The following PATJ variants were observed in gnomAD, a reference collection of about 807,000 sequenced individuals.
PATJ encodes the protein PATJ crumbs cell polarity complex component.
PATJ carries 190 observed loss-of-function variants against 224.9 expected under a neutral mutation model. The ratio of observed to expected loss-of-function variants is 0.84; its 90% CI spans 0.75 to 0.95. The LOEUF (loss-of-function observed/expected upper bound fraction) is 0.95. Ranked by LOEUF, PATJ falls within the 40% of genes least tolerant of loss-of-function variation. The pLI is 0.00. For synonymous variants in PATJ, 769 were observed against 820.3 expected (o/e 0.94, Z 1.07); for missense variants, 2,121 against 2,270.3 (o/e 0.93, Z 1.34).
chr1:62,114,383 A>C lies in PATJ; in HGVS notation c.4655+137A>C. The C allele has an allele frequency of 1.1e-5, 9 of 799,914 alleles. No individual in the cohort carries two copies. In the South Asian group the frequency reaches 1.8e-4, roughly 16 times the overall value. The allele number at this position is 799,914 out of a possible 1,614,324, so 49.6% of individuals were successfully genotyped here. A position where few individuals can be genotyped will look rare whatever the true frequency, so the allele number is the denominator to read the frequency against. ...AAGATATTTATGAAAATTTGACAAC[A>C]TGGGTCATATTTCTGAGCAAGGTCT... On this transcript the variant is annotated intron_variant, in intron 35 of 43. Transcript: ENST00000642238.
At chr1:62,153,981 G>GCAACA (rs1668899115) in intron 43 of PATJ, among the ~76,000 whole-genome samples, 1 of 152,080 alleles carries the variant, frequency 6.6e-6, no homozygotes, top group South Asian at 2.1e-4. Context: ...TCAGCTCACT[G>GCAACA]CAACCTCTGC....
chr1:62,068,161 T>C (rs1656797037), intron 31 of PATJ, among the ~76,000 whole-genome samples: 1 of 152,212 alleles, frequency 6.6e-6, no homozygotes, highest in Non-Finnish European at 1.5e-5. Context: ...GCCTGATGCC[T>C]GGATGCATCT....
chr1:61,935,518 C>T lies in PATJ; in HGVS notation c.3670+7689C>T, dbSNP rs575560868. On this transcript the variant is annotated intron_variant, in intron 27 of 43. Transcript: ENST00000642238. ...TATAAAATTAACCTGTGTGGCCAGG[C>T]GTAGTGGCTCATTCCTCTAATCCCA... 6.6e-5 allele frequency among the ~76,000 whole-genome samples: 10 copies of T among 152,232 alleles called. No individual in the cohort carries two copies. In the East Asian group the frequency reaches 9.7e-4, roughly 15 times the overall value.
intron 27 of PATJ, among the ~76,000 whole-genome samples, chr1:61,944,545 G>A (rs945131345): frequency 3.3e-5 from 5 of 152,130 alleles, no homozygotes; most frequent in African/African-American, 4.8e-5. Context: ...ACAAAGAAAC[G>A]AATAAAGTCT....
intron 34 of PATJ, among the ~76,000 whole-genome samples, chr1:62,110,391 A>T (rs1199716423): frequency 2.0e-5 from 3 of 152,202 alleles, no homozygotes; most frequent in Non-Finnish European, 4.4e-5. Context: ...TGAGACCATG[A>T]AACAGCGTAA....
chr1:62,037,624 C>T (rs964379151), intron 29 of PATJ, among the ~76,000 whole-genome samples: 1 of 152,126 alleles, frequency 6.6e-6, no homozygotes, highest in African/African-American at 2.4e-5. Flanking sequence ...AAAGGTTGCA[C>T]ATGGCCATTT....
chr1:62,148,079 T>TCA (rs1397281751), intron 41 of PATJ, among the ~76,000 whole-genome samples: 1 of 132,124 alleles, frequency 7.6e-6, no homozygotes, highest in Non-Finnish European at 1.6e-5. Context: ...CAAAATCATG[T>TCA]CACTGCACTC....
chr1:61,771,492 A>T lies in PATJ; in HGVS notation c.586A>T (p.Asn196Tyr), dbSNP rs1646607209. 1 of 1,612,920 alleles carries T rather than the reference A, an allele frequency of 6.2e-7. No homozygotes were observed. The highest frequency in any genetic ancestry group is 8.5e-7 in the Non-Finnish European group (1 of 1,179,612). ...LAINHTPLDQ[N>Y]ISHQQAIALL... is the part of the protein sequence containing the mutation. Reference sequence around the variant, plus strand: ...CATTAATCACACGCCATTGGATCAGAACATTTCCCATCAGCAAGCAATTGC... The same window carrying T: ...CATTAATCACACGCCATTGGATCAGTACATTTCCCATCAGCAAGCAATTGC... The change falls in exon 6 of 44, where the codon AAC becomes TAC. Residue 196 changes from asparagine to tyrosine, a missense_variant. By Grantham distance (143) the Asn-to-Tyr change is moderately radical (BLOSUM62 -2). Transcript: ENST00000642238.
chr1:61,959,441 T>TTTC (rs1438621835), intron 27 of PATJ, among the ~76,000 whole-genome samples: 30 of 129,752 alleles, frequency 2.3e-4, no homozygotes, highest in Non-Finnish European at 4.6e-4. Context: ...TTTCTTTTCT[T>TTTC]TTTTTTTTTT....
chr1:61,833,491 T>C (rs995756969), intron 16 of PATJ, 163 bp from the exon 17 acceptor site: 20 of 560,456 alleles, frequency 3.6e-5, no homozygotes, highest in East Asian at 1.9e-4. Context: ...CTGGAGTGTG[T>C]GTGCCCCAGA....
intron 28 of PATJ, among the ~76,000 whole-genome samples, chr1:62,003,764 T>A (rs1245365452): frequency 6.6e-6 from 1 of 152,240 alleles, no homozygotes; most frequent in African/African-American, 2.4e-5. Flanking sequence ...GGTACTCCTT[T>A]CCTCCCTTTG....
chr1:61,879,057 T>C (rs1667739823), intron 21 of PATJ, among the ~76,000 whole-genome samples: 1 of 152,228 alleles, frequency 6.6e-6, no homozygotes, highest in South Asian at 2.1e-4. Flanking sequence ...GTGTTGGGAT[T>C]ACAGGCGTGA....
chr1:61,811,857 C>G (rs888219097), intron 14 of PATJ, among the ~76,000 whole-genome samples: 4 of 150,990 alleles, frequency 2.6e-5, no homozygotes, highest in Admixed American at 1.3e-4. Context: ...GTCAGGAGAT[C>G]GAGACCATCC....
chr1:62,119,657 T>C (rs1399126241), intron 37 of PATJ, among the ~76,000 whole-genome samples: 1 of 152,076 alleles, frequency 6.6e-6, no homozygotes, highest in Non-Finnish European at 1.5e-5. Context: ...ATAAACGTCT[T>C]GGGGCCGGGC....
chr1:61,923,967 C>G (rs1674731119), intron 26 of PATJ, among the ~76,000 whole-genome samples: 1 of 147,444 alleles, frequency 6.8e-6, no homozygotes, highest in Non-Finnish European at 1.5e-5. Flanking sequence ...GAACAGAAAA[C>G]TAATGAGCAG....
rs182288549 is a variant in PATJ at position 61,912,332 on chromosome 1, G to A, written c.3493-2255G>A. Among the ~76,000 whole-genome samples, 23 of 152,116 alleles carry A rather than the reference G, an allele frequency of 1.5e-4. No homozygotes were observed. In the East Asian group the frequency reaches 3.9e-3, roughly 26 times the overall value. On this transcript the variant is annotated intron_variant, in intron 25 of 43. Coordinates refer to ENST00000642238, the MANE Select transcript of PATJ (RefSeq NM_001350145.3). ...CAGTGGGCTGGGCGCAGTGGCTCAC[G>A]CCTGTAATCCCAGCACTTTCGGAGG...
intron 27 of PATJ, among the ~76,000 whole-genome samples, chr1:61,948,963 G>C (rs1359511973): frequency 6.6e-6 from 1 of 151,472 alleles, no homozygotes; most frequent in Non-Finnish European, 1.5e-5. Context: ...CTATCACAAG[G>C]ACAGAAAACC....
chr1:61,907,426 T>C (rs1038628371), intron 24 of PATJ, among the ~76,000 whole-genome samples: 2 of 152,242 alleles, frequency 1.3e-5, no homozygotes, highest in Admixed American at 6.5e-5. Context: ...ACATTTGTGC[T>C]TCTATCCAAA....
intron 17 of PATJ, among the ~76,000 whole-genome samples, chr1:61,843,250 A>G (rs1174649780): frequency 2.0e-5 from 3 of 152,196 alleles, no homozygotes; most frequent in Non-Finnish European, 4.4e-5. Flanking sequence ...ATTTATCAGT[A>G]CAGCACTGAA....
Sources: allele counts gnomAD v4.1 joint callset (sites outside exome capture counted in the v4.1 genomes callset), GRCh38; gene constraint gnomAD v4.1.1; transcripts MANE v1.5; gene names NCBI Gene and HGNC (gene_info 2026-07-23, HGNC 2026-07-21).